Variants in NR1H4 observed in about 807,000 individuals in gnomAD.
NR1H4 encodes nuclear receptor subfamily 1 group H member 4.
In NR1H4, 23 loss-of-function variants were observed where a neutral mutation model predicts 58.5. That is an observed-to-expected ratio of 0.39 (90% CI 0.28 to 0.56). The LOEUF is 0.56. NR1H4 is among the 20% of genes least tolerant of loss of function. The probability of loss-of-function intolerance (pLI) is 0.58; values close to 1 mark genes in which losing one functional copy is unlikely to be tolerated. For missense variants in NR1H4, 487 were observed against 576.9 expected (o/e 0.84, Z 1.60); for synonymous variants, 214 against 198.0 (o/e 1.08, Z -0.68).
At chr12:100,523,096 G>A (rs1026912911) in intron 4 of NR1H4, among the ~76,000 whole-genome samples, 4 of 152,130 alleles carry the variant, frequency 2.6e-5, no homozygotes, top group African/African-American at 9.7e-5. Context: ...GGATCGAATG[G>A]TAGATCTACT....
chr12:100,479,966 T>C (rs1013632626), intron 1 of NR1H4, among the ~76,000 whole-genome samples: 24 of 152,252 alleles, frequency 1.6e-4, no homozygotes, highest in African/African-American at 5.5e-4. Context: ...AAAACTGTGT[T>C]CAACTACAAC....
At chr12:100,482,111 A>G (rs1054319293) in intron 1 of NR1H4, among the ~76,000 whole-genome samples, 2 of 152,038 alleles carry the variant, frequency 1.3e-5, no homozygotes, top group South Asian at 2.1e-4. Flanking sequence ...CAAAACAAAC[A>G]AACAAACAAC....
chr12:100,539,061 G>C (rs193172521), intron 8 of NR1H4, among the ~76,000 whole-genome samples: 1 of 152,222 alleles, frequency 6.6e-6, no homozygotes, highest in Non-Finnish European at 1.5e-5. Flanking sequence ...AATAATTGAA[G>C]ACAAATAAAA....
At chr12:100,507,104 G>A (rs1484034535) in intron 3 of NR1H4, among the ~76,000 whole-genome samples, 2 of 152,192 alleles carry the variant, frequency 1.3e-5, no homozygotes, top group African/African-American at 4.8e-5. Context: ...GATTCTATCG[G>A]TTTTTGATCT....
rs566606819 is a variant in NR1H4, at chr12:100,491,240, C to A, written c.-189-1263C>A. 2.0e-5 allele frequency among the ~76,000 whole-genome samples: 3 copies of A among 152,198 alleles called. No homozygotes were observed. The South Asian group carries it at 6.2e-4, about 32-fold the overall frequency. On this transcript the variant is annotated intron_variant, in intron 1 of 10. Coordinates refer to ENST00000392986, the MANE Select transcript of NR1H4 (RefSeq NM_001206979.2). ...GTCTGCTCTGGCTGTTCCTTCCACT[C>A]CATTTTGTGTCCATGGGGCAGAGCA...
chr12:100,480,573 C>CT (rs1953357540), intron 1 of NR1H4, among the ~76,000 whole-genome samples: 1 of 152,206 alleles, frequency 6.6e-6, no homozygotes, highest in African/African-American at 2.4e-5. Flanking sequence ...CCAGTTTCCA[C>CT]TAACCAGTCT....
At chr12:100,491,135 G>A (rs751645452) in intron 1 of NR1H4, among the ~76,000 whole-genome samples, 3 of 152,012 alleles carry the variant, frequency 2.0e-5, no homozygotes, top group Non-Finnish European at 2.9e-5. Context: ...AGGACCTCCC[G>A]CTCCTATCAG....
At chr12:100,548,751 T>C (rs190679409) in intron 9 of NR1H4, among the ~76,000 whole-genome samples, 3 of 152,302 alleles carry the variant, frequency 2.0e-5, no homozygotes, top group Admixed American at 2.0e-4. Flanking sequence ...AAGGACTTCA[T>C]CTTCTAGGGG....
rs368077764 is a variant in NR1H4 at position 100,518,725 on chromosome 12, A to T, written c.445+7582A>T. Among the ~76,000 whole-genome samples the T allele has an allele frequency of 7.2e-5, 11 of 151,986 alleles. No homozygotes were observed. The East Asian group carries it at 1.5e-3, about 21-fold the overall frequency. ...TTCAGTAAGCTATACTTACAAAAAT[A>T]GGCAGGAAAAAAAATGACAGTGGGC... On this transcript the variant is annotated intron_variant, in intron 4 of 10. Coordinates refer to ENST00000392986, the MANE Select transcript of NR1H4 (RefSeq NM_001206979.2).
intron 5 of NR1H4, among the ~76,000 whole-genome samples, chr12:100,534,633 C>T (rs1441604283): frequency 2.6e-5 from 4 of 151,914 alleles, no homozygotes; most frequent in African/African-American, 4.8e-5. Context: ...TGCTTTTAAT[C>T]TACACAAAAC....
chr12:100,478,557 C>G (rs1953316258), intron 1 of NR1H4, among the ~76,000 whole-genome samples: 1 of 152,164 alleles, frequency 6.6e-6, no homozygotes, highest in Non-Finnish European at 1.5e-5. Flanking sequence ...TTTTGACCTT[C>G]CCCTAGCCCT....
chr12:100,545,655 AAAAAAAAAAAAAAAC>A (rs1030276691), intron 9 of NR1H4, among the ~76,000 whole-genome samples: 21 of 146,430 alleles, frequency 1.4e-4, no homozygotes, highest in African/African-American at 5.0e-4. Flanking sequence ...AAAAAAAAAA[AAAAAAAAAAAAAAAC>A]CAAACGGGGG....
intron 4 of NR1H4, among the ~76,000 whole-genome samples, chr12:100,524,077 G>C (rs12424084): frequency 0.021 from 3,234 of 152,240 alleles, 128 homozygotes; most frequent in East Asian, 0.15. Context: ...ACATATAGGT[G>C]ATGAGGCAAG....
At chr12:100,510,494 T>C (rs1291550063) in intron 3 of NR1H4, among the ~76,000 whole-genome samples, 1 of 151,608 alleles carries the variant, frequency 6.6e-6, no homozygotes, top group Admixed American at 6.6e-5. Context: ...CCTTTTTCCA[T>C]AGCTTCTCAA....
intron 5 of NR1H4, among the ~76,000 whole-genome samples, chr12:100,533,252 A>G (rs1018755936): frequency 6.6e-6 from 1 of 152,228 alleles, no homozygotes; most frequent in African/African-American, 2.4e-5. Flanking sequence ...TAACATAATT[A>G]ATTTTTCATT....
At chr12:100,561,047 G>C (rs1269532949) in intron 9 of NR1H4, among the ~76,000 whole-genome samples, 1 of 152,182 alleles carries the variant, frequency 6.6e-6, no homozygotes, top group African/African-American at 2.4e-5. Flanking sequence ...GCCAATTACT[G>C]ATGCTTAGTA....
At chr12:100,557,100 T>G (rs1010930480) in intron 9 of NR1H4, among the ~76,000 whole-genome samples, 1 of 152,192 alleles carries the variant, frequency 6.6e-6, no homozygotes, top group Admixed American at 6.5e-5. Flanking sequence ...CTGTTTTGCA[T>G]TGCTATAAAG....
rs149728146 is a variant in NR1H4 at position 100,560,344 on chromosome 12, G to A, written c.1079-1541G>A. On this transcript the variant is annotated intron_variant, in intron 9 of 10. Transcript: ENST00000392986. ...TGGAGGCTTTGTTCTTTCGCTCTTT[G>A]CAATAACTCTTGCTACTGCTCACTC... Among the ~76,000 whole-genome samples, 757 of 152,240 alleles carry A rather than the reference G, an allele frequency of 5.0e-3. 9 individuals are homozygous for A. Among genetic ancestry groups the A allele is most frequent in the African/African-American group, 0.017 (726 of 41,518 alleles).
intron 9 of NR1H4, among the ~76,000 whole-genome samples, chr12:100,544,719 A>G (rs1351045096): frequency 6.6e-6 from 1 of 152,156 alleles, no homozygotes; most frequent in Non-Finnish European, 1.5e-5. Flanking sequence ...GTTTGTCCGG[A>G]GCTATAAAAC....
Sources: gnomAD v4.1 joint callset for allele counts (sites outside exome capture counted in the v4.1 genomes callset) on GRCh38, gnomAD v4.1.1 for gene constraint, MANE v1.5 for transcripts, NCBI Gene and HGNC (gene_info 2026-07-23, HGNC 2026-07-21) for gene names.